PCDHGA6: variants seen among roughly 807,000 people sequenced by gnomAD.
PCDHGA6 encodes the protein protocadherin gamma subfamily A, 6.
A neutral mutation model predicts 60.6 loss-of-function variants in PCDHGA6; 41 were observed. The observed-to-expected ratio is 0.68, with a 90% confidence interval of 0.53 to 0.88. The LOEUF (loss-of-function observed/expected upper bound fraction) is 0.88. Ranked by LOEUF, PCDHGA6 falls within the 40% of genes least tolerant of loss-of-function variation. The pLI is 0.00. For missense variants in PCDHGA6, 1,312 were observed against 1,203.0 expected, an observed-to-expected ratio of 1.09 and a Z score of -1.34; for synonymous variants, 594 against 524.4, an observed-to-expected ratio of 1.13 and a Z score of -1.81.
At position 141,382,875 on chromosome 5, in the gene PCDHGA6, C is replaced by T. The variant is rs531192742; in HGVS notation, c.2424+6368C>T. On this transcript the variant is annotated intron_variant, in intron 1 of 3. Transcript: ENST00000517434. ...TCTGAAGCACTTCCCGAGATCGGCG[C>T]CTAAGCAAGAGAAGCAGGACGACTA... 5 of 1,524,466 alleles carry T rather than the reference C, an allele frequency of 3.3e-6. No individual in the cohort carries two copies. In the East Asian group the frequency reaches 1.1e-4, roughly 35 times the overall value. The allele number at this position is 1,524,466 out of a possible 1,614,324, so 94.4% of individuals were successfully genotyped here. A position where few individuals can be genotyped will look rare whatever the true frequency, so the allele number is the denominator to read the frequency against.
intron 1 of PCDHGA6, chr5:141,423,023 C>G (rs1410040994): frequency 6.2e-7 from 1 of 1,614,222 alleles, no homozygotes; most frequent in Non-Finnish European, 8.5e-7. Context: ...GACAAAGATT[C>G]AGGCCAGAAC....
chr5:141,410,719 A>G, intron 1 of PCDHGA6: 3 of 1,407,980 alleles, frequency 2.1e-6, no homozygotes, highest in Non-Finnish European at 2.9e-6. Context: ...TCATATGTTT[A>G]AAATCCATAG....
chr5:141,496,747 A>T (rs13188028), intron 2 of PCDHGA6, among the ~76,000 whole-genome samples: 1 of 152,124 alleles, frequency 6.6e-6, no homozygotes, highest in Non-Finnish European at 1.5e-5. Context: ...CATTTATTCA[A>T]CAAATATTTA....
At position 141,491,660 on chromosome 5, in the gene PCDHGA6, C is replaced by A; in HGVS notation, c.2425-3147C>A. ...ACAGCTCTGGCGCTGGAGCCTGACGCCATCCGGTCCCGCTCTAATACGCTG... is the reference window on the plus strand; with the variant it reads ...ACAGCTCTGGCGCTGGAGCCTGACGACATCCGGTCCCGCTCTAATACGCTG... On this transcript the variant is annotated intron_variant, in intron 1 of 3. Transcript: ENST00000517434. The surrounding 1 kb of genome is among the most constrained non-coding windows in gnomAD (Gnocchi z 6.9). The A allele has an allele frequency of 6.2e-7, 1 of 1,613,810 alleles. No individual in the cohort carries two copies. The highest frequency in any genetic ancestry group is 8.5e-7 in the Non-Finnish European group (1 of 1,180,008).
At chr5:141,402,737 G>C (rs948478466) in intron 1 of PCDHGA6, among the ~76,000 whole-genome samples, 7 of 152,158 alleles carry the variant, frequency 4.6e-5, no homozygotes, top group African/African-American at 1.4e-4. Flanking sequence ...CGCCGCTGTT[G>C]ATCAACTCTA....
intron 1 of PCDHGA6, chr5:141,395,380 T>C (rs1219736482): frequency 9.0e-7 from 1 of 1,112,054 alleles, no homozygotes; most frequent in African/African-American, 1.6e-5. Context: ...GTGGTGTTAC[T>C]ATAAAATTGA....
intron 1 of PCDHGA6, chr5:141,410,843 C>CTT: frequency 4.6e-6 from 1 of 216,280 alleles, no homozygotes; most frequent in South Asian, 8.0e-5. Flanking sequence ...GATATTTTGT[C>CTT]TTTGTCTTTT....
intron 2 of PCDHGA6, among the ~76,000 whole-genome samples, chr5:141,503,824 C>G (rs1216231770): frequency 1.3e-5 from 2 of 152,058 alleles, no homozygotes; most frequent in South Asian, 4.1e-4. Context: ...TTGGGCAAAA[C>G]CAAAAGCAGG....
chr5:141,419,754 T>C, intron 1 of PCDHGA6: 1 of 1,613,924 alleles, frequency 6.2e-7, no homozygotes. Flanking sequence ...GTGCGTGCTT[T>C]GGGTGACAAG....
chr5:141,374,266 G>T lies in PCDHGA6; in HGVS notation c.183G>T (p.Glu61Asp). The T allele has an allele frequency of 6.2e-7, 1 of 1,614,016 alleles. No homozygotes were observed. Among genetic ancestry groups the T allele is most frequent in the Non-Finnish European group, 8.5e-7 (1 of 1,179,902 alleles). ...GACTGGAGCCCCAGGAGTTGGCGGA[G>T]CACGGAGTCCGCATCGTCTCCAGAG... is the stretch of plus-strand genomic sequence containing the variant. Reference protein sequence around the residue: ...DLGLEPQELAEHGVRIVSRGR... With the variant: ...DLGLEPQELADHGVRIVSRGR... The change falls in exon 1 of 4, where the codon GAG becomes GAT. Residue 61 changes from glutamate (E) to aspartate (D), a missense_variant. Transcript: ENST00000517434.
At position 141,375,804 on chromosome 5, in the gene PCDHGA6, G is replaced by A. The variant is rs375695435; in HGVS notation, c.1721G>A (p.Gly574Asp). 1,032 of 1,614,192 alleles carry A rather than the reference G, an allele frequency of 6.4e-4. 20 individuals carry two copies. In the South Asian group the frequency reaches 0.011, roughly 17 times the overall value. ...GCCCTCCCCACAGACGGTTCCACTG[G>A]CGTGGAGCTGGCGCCCCGCTCCGCA... ...YPALPTDGST[G>D]VELAPRSAEP... Residue 574 changes from glycine (G) to aspartate (D), a missense_variant, in exon 1 of 4, where the codon GGC becomes GAC. Coordinates refer to ENST00000517434, the MANE Select transcript of PCDHGA6 (RefSeq NM_018919.3).
intron 1 of PCDHGA6, among the ~76,000 whole-genome samples, chr5:141,458,513 G>T (rs968604511): frequency 6.8e-6 from 1 of 146,128 alleles, no homozygotes; most frequent in Non-Finnish European, 1.5e-5. Flanking sequence ...TTGACACTTT[G>T]TTTTTTTTTT....
intron 1 of PCDHGA6, chr5:141,400,715 T>C: frequency 1.5e-6 from 1 of 682,576 alleles, no homozygotes; most frequent in Non-Finnish European, 2.4e-6. Context: ...AGTAGCCTTA[T>C]AGATTTACAA....
chr5:141,463,446 T>TC, intron 1 of PCDHGA6, among the ~76,000 whole-genome samples: 1 of 125,012 alleles, frequency 8.0e-6, no homozygotes, highest in Non-Finnish European at 1.7e-5. Flanking sequence ...TCCTTTTTTT[T>TC]TTTTTTTTTT....
At chr5:141,506,084 C>T (rs1426222889) in intron 3 of PCDHGA6, among the ~76,000 whole-genome samples, 8 of 152,068 alleles carry the variant, frequency 5.3e-5, no homozygotes, top group African/African-American at 1.9e-4. Flanking sequence ...AATAGAGATT[C>T]GGCTAGTGGT....
At chr5:141,424,720 G>A (rs530298674) in intron 1 of PCDHGA6, 4 of 152,090 alleles carry the variant, frequency 2.6e-5, no homozygotes, top group Non-Finnish European at 4.4e-5. Flanking sequence ...GTGTAGTTGG[G>A]AGTCATAGAT....
chr5:141,490,062 C>A lies in PCDHGA6; in HGVS notation c.2425-4745C>A, dbSNP rs758715682. 6.2e-7 allele frequency: 1 copy of A among 1,614,218 alleles called. No homozygotes were observed. The highest frequency in any genetic ancestry group is 1.1e-5 in the South Asian group (1 of 91,082). ...CCACTGATCCAGACGAGGGCACCAA[C>A]GGCCAACTAGACTATTCTTTTGGAG... On this transcript the variant is annotated intron_variant, in intron 1 of 3. Coordinates refer to ENST00000517434, the MANE Select transcript of PCDHGA6 (RefSeq NM_018919.3). The surrounding 1 kb of genome is among the most constrained non-coding windows in gnomAD (Gnocchi z 5.4).
At chr5:141,405,498 C>T in intron 1 of PCDHGA6, 2 of 784,948 alleles carry the variant, frequency 2.5e-6, no homozygotes, top group Admixed American at 2.7e-5. Flanking sequence ...CGGCTCATTG[C>T]AACCTCCGCC....
chr5:141,415,040 C>A (rs772941952), intron 1 of PCDHGA6: 3 of 1,613,520 alleles, frequency 1.9e-6, no homozygotes, highest in Non-Finnish European at 2.5e-6. Flanking sequence ...GGACTCTTCG[C>A]GGTGGGGGAG....
Sources: allele counts gnomAD v4.1 joint callset (sites outside exome capture counted in the v4.1 genomes callset), GRCh38; gene constraint gnomAD v4.1.1; non-coding constraint Gnocchi (gnomAD v3.1); transcripts MANE v1.5; gene names NCBI Gene and HGNC (gene_info 2026-07-23, HGNC 2026-07-21).